The following CD101 variants were observed in gnomAD, a reference collection of about 807,000 sequenced individuals.
The protein encoded by CD101 is immunoglobulin superfamily member 2.
Under a neutral mutation model 98.2 loss-of-function variants are expected in CD101, and 76 were observed. The ratio of observed to expected loss-of-function variants is 0.77; its 90% confidence interval spans 0.64 to 0.94. The LOEUF (loss-of-function observed/expected upper bound fraction) is 0.94, where lower values mean the gene tolerates loss of function less well. Among genes scored for constraint, CD101 ranks in the 40% least tolerant of loss-of-function variants. CD101 has a pLI of 0.00. For synonymous variants in CD101, 471 were observed against 472.7 expected, an observed-to-expected ratio of 1.00 and a Z score of 0.05; for missense variants, 1,145 against 1,218.8, an observed-to-expected ratio of 0.94 and a Z score of 0.90.
chr1:117,034,833 C>A (rs1225749246), intron 9 of CD101, among the ~76,000 whole-genome samples: 5 of 152,134 alleles, frequency 3.3e-5, no homozygotes, highest in African/African-American at 4.8e-5. Context: ...TCCAGTCAGC[C>A]CCCCAAGGCC....
intron 6 of CD101, among the ~76,000 whole-genome samples, chr1:117,020,866 A>C (rs1653537318): frequency 6.6e-6 from 1 of 152,240 alleles, no homozygotes; most frequent in African/African-American, 2.4e-5. Context: ...GCAGTTAAAA[A>C]AGTAGAGTGG....
chr1:117,031,899 C>G (rs2806878), intron 8 of CD101, among the ~76,000 whole-genome samples: 8,048 of 152,238 alleles, frequency 0.053, 741 homozygotes, highest in East Asian at 0.48. Flanking sequence ...TGCACAAATG[C>G]TCACAGCCAG....
intron 1 of CD101, 110 bp from the exon 2 acceptor site, chr1:117,009,740 C>G: frequency 4.3e-6 from 5 of 1,165,092 alleles, no homozygotes; most frequent in Non-Finnish European, 6.0e-6. Context: ...TAGCTAATAA[C>G]TTGCGATCTC....
In CD101 at chr1:117,017,450, T is replaced by A. The variant is rs756345822; in HGVS notation, c.1589T>A (p.Ile530Asn). The change falls in exon 5 of 10, where the codon ATT (isoleucine) becomes AAT (asparagine). Residue 530 changes from isoleucine (I) to asparagine (N), a missense_variant. Transcript: ENST00000682167. ...AGAGATCTGAGCTGGACTCAGAAGA[T>A]TTCAGTTACTGTAAAGTCTCTGGGT... ...QARDLSWTQK[I>N]SVTVKSLESS... 2.1e-5 allele frequency: 34 copies of A among 1,611,892 alleles called. No homozygotes were observed. Among genetic ancestry groups the A allele is most frequent in the Non-Finnish European group, 2.8e-5 (33 of 1,178,400 alleles).
Position 117,012,008 on chromosome 1 carries a change from G to C in CD101, c.841+42G>C, listed in dbSNP as rs754198172. Reference sequence around the variant, plus strand: ...GAAATTCATTAATACACTAGTATTAGGTAGTGGGTATTTATGAGGTATGTT... The same window carrying C: ...GAAATTCATTAATACACTAGTATTACGTAGTGGGTATTTATGAGGTATGTT... On this transcript the variant is annotated intron_variant, in intron 3 of 9. Coordinates refer to ENST00000682167, the MANE Select transcript of CD101 (RefSeq NM_001256106.3). The surrounding 1 kb of genome is among the most constrained non-coding windows in gnomAD (Gnocchi z 4.0). The C allele has an allele frequency of 6.8e-7, 1 of 1,469,286 alleles. No individual in the cohort carries two copies. The highest frequency in any genetic ancestry group is 1.9e-5 in the Admixed American group (1 of 52,090). The allele number at this position is 1,469,286 out of a possible 1,614,324, so 91.0% of individuals were successfully genotyped here. A position where few individuals can be genotyped will look rare whatever the true frequency, so the allele number is the denominator to read the frequency against.
At chr1:117,032,703 A>G (rs773956482) in intron 8 of CD101, among the ~76,000 whole-genome samples, 1 of 152,250 alleles carries the variant, frequency 6.6e-6, no homozygotes, top group Non-Finnish European at 1.5e-5. Context: ...AAATAAATGT[A>G]ATTGGAAGAC....
In CD101 at chr1:117,019,896, C is replaced by T. The variant is rs1653473148; in HGVS notation, c.2017+1336C>T. Among the ~76,000 whole-genome samples the T allele has an allele frequency of 6.6e-6, 1 of 152,178 alleles. No homozygotes were observed. On this transcript the variant is annotated intron_variant, in intron 6 of 9. Transcript: ENST00000682167. The surrounding 1 kb of genome is among the most constrained non-coding windows in gnomAD (Gnocchi z 4.3). ...TGTTCACCTTGTATCTAAACTCCCA[C>T]AGTGTGACATGCAAGGTCCTTTATC...
chr1:117,010,021 T>A lies in CD101; in HGVS notation c.215T>A (p.Ile72Asn). The change falls in exon 2 of 10, where the codon ATC becomes AAC. Residue 72 changes from isoleucine (I) to asparagine (N), a missense_variant. Physicochemically the swap from Ile to Asn is moderately radical, Grantham distance 149. Transcript: ENST00000682167. This position sits in a 1 kb window ranked among gnomAD's most constrained non-coding sequence, Gnocchi z 5.2. Reference protein sequence around the residue: ...LPTNPTQEVQIISTKDAAFSY... With the variant: ...LPTNPTQEVQNISTKDAAFSY... ...ACAAACCCGACCCAGGAAGTCCAGA[T>A]CATTAGCACCAAGGATGCTGCCTTC... 6.2e-7 allele frequency: 1 copy of A among 1,614,148 alleles called. No homozygotes were observed. The highest frequency in any genetic ancestry group is 1.6e-4 in the Middle Eastern group (1 of 6,062).
rs141474998 is a variant in CD101 at position 117,021,666 on chromosome 1, A to G, written c.2111A>G (p.Asn704Ser). ...DIECSILSRS[N>S]GNLQLAIIWY... ...GAATGTAGCATCTTGTCCCGGTCCAATGGAAACCTTCAGTTAGCCATTATT... is the reference window on the plus strand; with the variant it reads ...GAATGTAGCATCTTGTCCCGGTCCAGTGGAAACCTTCAGTTAGCCATTATT... Residue 704 changes from asparagine (N) to serine (S), a missense_variant, in exon 7 of 10, where the codon AAT (asparagine) becomes AGT (serine). Coordinates refer to ENST00000682167, the MANE Select transcript of CD101 (RefSeq NM_001256106.3). This position sits in a 1 kb window ranked among gnomAD's most constrained non-coding sequence, Gnocchi z 4.7. The G allele has an allele frequency of 2.7e-4, 429 of 1,614,156 alleles. 7 individuals carry two copies. The South Asian group carries it at 3.7e-3, about 14-fold the overall frequency.
chr1:117,010,090 A>G lies in CD101; in HGVS notation c.284A>G (p.Tyr95Cys), dbSNP rs371892797. Residue 95 changes from tyrosine to cysteine, a missense_variant, in exon 2 of 10, where the codon TAC (tyrosine) becomes TGC (cysteine). Physicochemically the swap from Tyr to Cys is radical, Grantham distance 194. Transcript: ENST00000682167. The surrounding 1 kb of genome is among the most constrained non-coding windows in gnomAD (Gnocchi z 5.2). ...YTQRVRSGDV[Y>C]VERVQGNSVL... ...CAGCGGGTGCGAAGCGGAGACGTCT[A>G]CGTGGAGAGGGTCCAGGGCAACTCA... 8.3e-5 allele frequency: 134 copies of G among 1,614,232 alleles called. No homozygotes were observed. The highest frequency in any genetic ancestry group is 1.0e-4 in the Non-Finnish European group (122 of 1,180,040).
intron 7 of CD101, among the ~76,000 whole-genome samples, chr1:117,024,482 A>C (rs1468590125): frequency 9.5e-6 from 1 of 105,032 alleles, no homozygotes; most frequent in Non-Finnish European, 1.9e-5. Context: ...GTCTCAAAAA[A>C]TAAATAAAAT....
chr1:117,012,024 G>C lies in CD101; in HGVS notation c.841+58G>C. The C allele has an allele frequency of 7.0e-7, 1 of 1,424,550 alleles. No homozygotes were observed. The highest frequency in any genetic ancestry group is 9.6e-7 in the Non-Finnish European group (1 of 1,046,934). 88.2% of individuals were successfully genotyped at this position (1,424,550 alleles called of 1,614,324 possible). Reference sequence around the variant, plus strand: ...CTAGTATTAGGTAGTGGGTATTTATGAGGTATGTTTTAATTTTTGTTCTAA... The same window carrying C: ...CTAGTATTAGGTAGTGGGTATTTATCAGGTATGTTTTAATTTTTGTTCTAA... On this transcript the variant is annotated intron_variant, in intron 3 of 9. Coordinates refer to ENST00000682167, the MANE Select transcript of CD101 (RefSeq NM_001256106.3). The surrounding 1 kb of genome is among the most constrained non-coding windows in gnomAD (Gnocchi z 4.0).
At position 117,022,111 on chromosome 1, in the gene CD101, C is replaced by G; in HGVS notation, c.2428+128C>G. The G allele has an allele frequency of 9.8e-7, 1 of 1,016,132 alleles. No homozygotes were observed. Among genetic ancestry groups the G allele is most frequent in the Non-Finnish European group, 1.4e-6 (1 of 696,708 alleles). 62.9% of individuals were successfully genotyped at this position (1,016,132 alleles called of 1,614,324 possible). A position where few individuals can be genotyped will look rare whatever the true frequency, so the allele number is the denominator to read the frequency against. On this transcript the variant is annotated intron_variant, in intron 7 of 9. Coordinates refer to ENST00000682167, the MANE Select transcript of CD101 (RefSeq NM_001256106.3). The surrounding 1 kb of genome is among the most constrained non-coding windows in gnomAD (Gnocchi z 4.8). Reference sequence around the variant, plus strand: ...CTAAAGTCATAGGAACAGTATCTACCTACACATGACTGCAAGACCGAGTAG... The same window carrying G: ...CTAAAGTCATAGGAACAGTATCTACGTACACATGACTGCAAGACCGAGTAG...
At chr1:117,028,215 G>A (rs768303585) in intron 8 of CD101, among the ~76,000 whole-genome samples, 10 of 152,178 alleles carry the variant, frequency 6.6e-5, no homozygotes, top group East Asian at 3.8e-4. Context: ...GAGCTAAGGC[G>A]GTACCCATGA....
At position 117,006,617 on chromosome 1, in the gene CD101, GCT is replaced by G. The variant is rs1031808626; in HGVS notation, c.44-3230_44-3229del. Among the ~76,000 whole-genome samples the G allele has an allele frequency of 1.3e-5, 2 of 151,522 alleles. No homozygotes were observed. The highest frequency in any genetic ancestry group is 2.4e-5 in the African/African-American group (1 of 41,196). On this transcript the variant is annotated intron_variant, in intron 1 of 9. Coordinates refer to ENST00000682167, the MANE Select transcript of CD101 (RefSeq NM_001256106.3). The surrounding 1 kb of genome is among the most constrained non-coding windows in gnomAD (Gnocchi z 4.4). ...CCATGAAATCTCCTTCACCTAAAAT[GCT>G]CTGTCTCCCCACTTACCTTGTCATA... is the stretch of plus-strand genomic sequence containing the variant.
In CD101 at chr1:117,018,531, A is replaced by T; in HGVS notation, c.1988A>T (p.His663Leu). ...CCCCCGAGGGCTTCTGCCATCTCTC[A>T]CCCACTGAGGATAGCCGTCACTTTA... ...NRPPRASAISHPLRIAVTLPE... is the reference protein window; with the variant it reads ...NRPPRASAISLPLRIAVTLPE... Residue 663 changes from histidine to leucine, a missense_variant, in exon 6 of 10, where the codon CAC (histidine) becomes CTC (leucine). Coordinates refer to ENST00000682167, the MANE Select transcript of CD101 (RefSeq NM_001256106.3). The surrounding 1 kb of genome is among the most constrained non-coding windows in gnomAD (Gnocchi z 4.3). 1 of 1,606,050 alleles carries T rather than the reference A, an allele frequency of 6.2e-7. No homozygotes were observed. Among genetic ancestry groups the T allele is most frequent in the Non-Finnish European group, 8.5e-7 (1 of 1,173,992 alleles).
rs748946409 is a variant in CD101, at chr1:117,019,410, T to A, written c.2017+850T>A. Among the ~76,000 whole-genome samples the A allele has an allele frequency of 9.9e-5, 15 of 152,204 alleles. No individual in the cohort carries two copies. Among genetic ancestry groups the A allele is most frequent in the Non-Finnish European group, 2.1e-4 (14 of 68,034 alleles). On this transcript the variant is annotated intron_variant, in intron 6 of 9. Coordinates refer to ENST00000682167, the MANE Select transcript of CD101 (RefSeq NM_001256106.3). The surrounding 1 kb of genome is among the most constrained non-coding windows in gnomAD (Gnocchi z 4.3). ...TGTGCAACATTTTTGGTAATAGTAATGATCCCCTTGTTCATGAATTCATGC... is the reference window on the plus strand; with the variant it reads ...TGTGCAACATTTTTGGTAATAGTAAAGATCCCCTTGTTCATGAATTCATGC...
At chr1:117,015,763 C>G (rs1653169525) in intron 4 of CD101, among the ~76,000 whole-genome samples, 2 of 152,320 alleles carry the variant, frequency 1.3e-5, no homozygotes, top group South Asian at 4.1e-4. Flanking sequence ...AGGCTAAGCT[C>G]TTTGTTCAGT....
intron 8 of CD101, among the ~76,000 whole-genome samples, chr1:117,027,785 C>T (rs1258400002): frequency 6.6e-6 from 1 of 152,190 alleles, no homozygotes; most frequent in Non-Finnish European, 1.5e-5. Context: ...AAAGTTCCCA[C>T]ATTAAAATGA....
Sources: allele counts gnomAD v4.1 joint callset (sites outside exome capture counted in the v4.1 genomes callset), GRCh38; gene constraint gnomAD v4.1.1; non-coding constraint Gnocchi (gnomAD v3.1); transcripts MANE v1.5; gene names NCBI Gene and HGNC (gene_info 2026-07-23, HGNC 2026-07-21).